Variants in CAMTA1 observed in about 807,000 individuals in gnomAD.
CAMTA1 encodes calmodulin-binding transcription activator 1.
CAMTA1 carries 27 observed loss-of-function variants against 170.9 expected under a neutral mutation model. The observed-to-expected ratio is 0.16, with a 90% CI of 0.12 to 0.22. CAMTA1 has a LOEUF of 0.22. Among genes scored for constraint, CAMTA1 ranks in the 10% least tolerant of loss-of-function variants. The probability of loss-of-function intolerance (pLI) is 1.00; values close to 1 mark genes in which losing one functional copy is unlikely to be tolerated. For synonymous variants in CAMTA1, 833 were observed against 891.5 expected (o/e 0.93, Z 1.17); for missense variants, 1,619 against 2,217.2 (o/e 0.73, Z 5.42).
intron 3 of CAMTA1, among the ~76,000 whole-genome samples, chr1:7,005,689 G>A (rs1488544305): frequency 1.3e-5 from 2 of 152,318 alleles, no homozygotes; most frequent in Admixed American, 6.5e-5. Flanking sequence ...TATTTCCTAC[G>A]TACGTAGGTA....
At chr1:7,705,206 G>C (rs1430453590) in intron 11 of CAMTA1, among the ~76,000 whole-genome samples, 1 of 151,114 alleles carries the variant, frequency 6.6e-6, no homozygotes, top group Non-Finnish European at 1.5e-5. Context: ...GGCGAGAGTG[G>C]GGAGTGAGTG....
At chr1:7,109,651 G>A (rs1643892692) in intron 4 of CAMTA1, among the ~76,000 whole-genome samples, 2 of 152,186 alleles carry the variant, frequency 1.3e-5, no homozygotes, top group South Asian at 4.1e-4. Flanking sequence ...CCATCCCTGT[G>A]CAATCTGCAA....
Position 7,456,074 on chromosome 1 carries a change from G to T in CAMTA1, c.439-11756G>T, listed in dbSNP as rs940110856. On this transcript the variant is annotated intron_variant, in intron 5 of 22. Transcript: ENST00000303635. This position sits in a 1 kb window ranked among gnomAD's most constrained non-coding sequence, Gnocchi z 4.9. Reference sequence around the variant, plus strand: ...GAACACATCAGACCCAGAGCTACTTGCAGGCATTCGTCAGAGATCCCTTGT... The same window carrying T: ...GAACACATCAGACCCAGAGCTACTTTCAGGCATTCGTCAGAGATCCCTTGT... 6.6e-6 allele frequency among the ~76,000 whole-genome samples: 1 copy of T among 152,158 alleles called. No individual in the cohort carries two copies. The highest frequency in any genetic ancestry group is 1.5e-5 in the Non-Finnish European group (1 of 68,036).
chr1:6,939,875 C>T (rs905086041), intron 3 of CAMTA1, among the ~76,000 whole-genome samples: 2 of 152,358 alleles, frequency 1.3e-5, no homozygotes, highest in East Asian at 3.9e-4. Flanking sequence ...CTCTGTTCAC[C>T]CCAGCACCCC....
chr1:6,884,842 G>A (rs1307153226), intron 3 of CAMTA1, among the ~76,000 whole-genome samples: 2 of 152,234 alleles, frequency 1.3e-5, no homozygotes, highest in African/African-American at 2.4e-5. Context: ...CTAGGAGCAT[G>A]TAGAGACTCT....
intron 10 of CAMTA1, among the ~76,000 whole-genome samples, chr1:7,672,991 A>T (rs1320097715): frequency 6.6e-6 from 1 of 151,896 alleles, no homozygotes; most frequent in Non-Finnish European, 1.5e-5. Flanking sequence ...TGCCTATCAC[A>T]GCTCAGGGCT....
chr1:7,499,422 T>G (rs199661492), intron 6 of CAMTA1, among the ~76,000 whole-genome samples: 1,174 of 91,636 alleles, frequency 0.013, 128 homozygotes, highest in African/African-American at 0.033. Flanking sequence ...TAGAGAGGAT[T>G]GTGTGAGCCT....
intron 11 of CAMTA1, among the ~76,000 whole-genome samples, chr1:7,709,957 A>T (rs2096556754): frequency 1.3e-5 from 2 of 152,208 alleles, no homozygotes; most frequent in Non-Finnish European, 2.9e-5. Flanking sequence ...ACCACAGTTT[A>T]AAAAAGTTGA....
intron 3 of CAMTA1, among the ~76,000 whole-genome samples, chr1:6,935,574 C>T (rs189781825): frequency 6.6e-6 from 1 of 152,208 alleles, no homozygotes; most frequent in African/African-American, 2.4e-5. Flanking sequence ...GCGATCTCCT[C>T]CAGACCCAGC....
rs2095768341 is a variant in CAMTA1, at chr1:7,642,266, G to C, written c.664+1713G>C. On this transcript the variant is annotated intron_variant, in intron 7 of 22. Coordinates refer to ENST00000303635, the MANE Select transcript of CAMTA1 (RefSeq NM_015215.4). This position sits in a 1 kb window ranked among gnomAD's most constrained non-coding sequence, Gnocchi z 6.3. ...TGGGGAAATGGCACAGCTGCCCTTGGGAAGCCCTCCGGCTCTCTGCACAGT... is the reference window on the plus strand; with the variant it reads ...TGGGGAAATGGCACAGCTGCCCTTGCGAAGCCCTCCGGCTCTCTGCACAGT... Among the ~76,000 whole-genome samples the C allele has an allele frequency of 6.6e-6, 1 of 152,212 alleles. No homozygotes were observed. The highest frequency in any genetic ancestry group is 2.1e-4 in the South Asian group (1 of 4,834).
intron 5 of CAMTA1, among the ~76,000 whole-genome samples, chr1:7,429,379 G>C (rs1008170770): frequency 1.3e-5 from 2 of 152,160 alleles, no homozygotes; most frequent in African/African-American, 4.8e-5. Context: ...CATAATGGTG[G>C]TGATGATGAT....
At chr1:7,172,570 G>A (rs759904117) in intron 4 of CAMTA1, among the ~76,000 whole-genome samples, 34 of 152,178 alleles carry the variant, frequency 2.2e-4, no homozygotes, top group Non-Finnish European at 3.1e-4. Flanking sequence ...GGCATGGAGC[G>A]ACTTAATGAG....
In CAMTA1 at chr1:7,456,260, G is replaced by A. The variant is rs75346675; in HGVS notation, c.439-11570G>A. Among the ~76,000 whole-genome samples the A allele has an allele frequency of 0.05, 7,418 of 148,020 alleles. 414 individuals carry two copies. The highest frequency in any genetic ancestry group is 0.14 in the African/African-American group (5,434 of 40,022). On this transcript the variant is annotated intron_variant, in intron 5 of 22. Coordinates refer to ENST00000303635, the MANE Select transcript of CAMTA1 (RefSeq NM_015215.4). This position sits in a 1 kb window ranked among gnomAD's most constrained non-coding sequence, Gnocchi z 4.9. ...AAGGAGGGAGGGAGGAAGGGAGGAA[G>A]GGGGGCAGGGAGGCAAGAAGAATGG...
Position 7,736,915 on chromosome 1 carries a change from G to C in CAMTA1, c.3264-16G>C, listed in dbSNP as rs757211922. On this transcript the variant is annotated splice_polypyrimidine_tract_variant and intron_variant, in intron 13 of 22. Transcript: ENST00000303635. This position sits in a 1 kb window ranked among gnomAD's most constrained non-coding sequence, Gnocchi z 4.5. ...GTGGTGAATAGTGTGGTAATTTCTG[G>C]TGCTCTCCCTTATAGTACAAAGCAC... The C allele has an allele frequency of 3.1e-6, 5 of 1,602,792 alleles. No homozygotes were observed. Among genetic ancestry groups the C allele is most frequent in the Non-Finnish European group, 4.3e-6 (5 of 1,171,812 alleles).
At chr1:7,011,067 C>T (rs931603316) in intron 3 of CAMTA1, among the ~76,000 whole-genome samples, 27 of 152,298 alleles carry the variant, frequency 1.8e-4, no homozygotes, top group African/African-American at 5.8e-4. Flanking sequence ...CAAGCACTGT[C>T]GTGCGTGGGA....
Position 7,718,660 on chromosome 1 carries a change from C to T in CAMTA1, c.2915-13788C>T, listed in dbSNP as rs550576262. Among the ~76,000 whole-genome samples, 170 of 150,740 alleles carry T rather than the reference C, an allele frequency of 1.1e-3. 8 individuals are homozygous for T. The South Asian group carries it at 0.034, about 30-fold the overall frequency. On this transcript the variant is annotated intron_variant, in intron 11 of 22. Transcript: ENST00000303635. ...CAACTTCTGCCCCGCCAGGTTCAGG[C>T]GATTCTCCTGCCTCAGCCTCCCGAG...
At chr1:6,874,594 A>G (rs571027806) in intron 3 of CAMTA1, among the ~76,000 whole-genome samples, 119 of 152,328 alleles carry the variant, frequency 7.8e-4, no homozygotes, top group African/African-American at 2.5e-3. Flanking sequence ...AGACCCTTAT[A>G]TGTTTAGAGA....
intron 3 of CAMTA1, among the ~76,000 whole-genome samples, chr1:7,048,900 A>T (rs1705843357): frequency 6.6e-6 from 1 of 152,208 alleles, no homozygotes; most frequent in Non-Finnish European, 1.5e-5. Context: ...TGAGACTCTA[A>T]GATGAGCCGT....
intron 3 of CAMTA1, among the ~76,000 whole-genome samples, chr1:6,940,397 C>T (rs1410728112): frequency 6.6e-6 from 1 of 151,176 alleles, no homozygotes; most frequent in Non-Finnish European, 1.5e-5. Context: ...TTCTGCTCTA[C>T]TCAGATGCTC....
Sources: allele counts gnomAD v4.1 joint callset (sites outside exome capture counted in the v4.1 genomes callset), GRCh38; gene constraint gnomAD v4.1.1; non-coding constraint Gnocchi (gnomAD v3.1); transcripts MANE v1.5; gene names NCBI Gene and HGNC (gene_info 2026-07-23, HGNC 2026-07-21).